The following TENM3 variants were observed in gnomAD, a reference collection of about 807,000 sequenced individuals.
TENM3 encodes the protein teneurin transmembrane protein 3.
In TENM3, 63 loss-of-function variants were observed where a neutral mutation model predicts 255.1. The ratio of observed to expected loss-of-function variants is 0.25; its 90% CI spans 0.20 to 0.30. The LOEUF (loss-of-function observed/expected upper bound fraction) is 0.30, where lower values mean the gene tolerates loss of function less well. Among genes scored for constraint, TENM3 ranks in the 10% least tolerant of loss-of-function variants. The pLI is 1.00. For synonymous variants in TENM3, 1,306 were observed against 1,322.3 expected, an observed-to-expected ratio of 0.99 and a Z score of 0.27; for missense variants, 2,929 against 3,461.1, an observed-to-expected ratio of 0.85 and a Z score of 3.86.
At chr4:181,482,242 A>G in the TENM3 span, among the ~76,000 whole-genome samples, 9,276 of 152,258 alleles carry the variant, frequency 0.061, 378 homozygotes, top group Middle Eastern at 0.11. Context: ...CTTGAAAAAG[A>G]AATGACAACT....
At chr4:182,247,959 A>G (rs1757761485) in intron 1 of TENM3, among the ~76,000 whole-genome samples, 2 of 152,176 alleles carry the variant, frequency 1.3e-5, no homozygotes, top group Non-Finnish European at 2.9e-5. Flanking sequence ...CAATAGTGCC[A>G]TTGCTGTTTG....
the TENM3 span, among the ~76,000 whole-genome samples, chr4:181,694,277 G>C: frequency 6.6e-6 from 1 of 152,168 alleles, no homozygotes; most frequent in Non-Finnish European, 1.5e-5. Context: ...GCTGGCTCAA[G>C]CTATCACTAC....
At chr4:182,424,627 G>A (rs1648964450) in intron 3 of TENM3, among the ~76,000 whole-genome samples, 1 of 152,010 alleles carries the variant, frequency 6.6e-6, no homozygotes, top group South Asian at 2.1e-4. Context: ...ATAATGCATG[G>A]ACAAAATCAT....
At chr4:182,288,289 C>T (rs575566558) in intron 1 of TENM3, among the ~76,000 whole-genome samples, 1 of 152,186 alleles carries the variant, frequency 6.6e-6, no homozygotes, top group Admixed American at 6.5e-5. Flanking sequence ...ACATTGGTCT[C>T]CAACTCCTGG....
chr4:181,914,067 C>A, the TENM3 span, among the ~76,000 whole-genome samples: 2,835 of 152,256 alleles, frequency 0.019, 41 homozygotes, highest in Non-Finnish European at 0.028. Context: ...CTTTCTTCAA[C>A]CATCCTTCTT....
intron 1 of TENM3, among the ~76,000 whole-genome samples, chr4:182,290,087 A>G (rs1370294917): frequency 1.3e-5 from 2 of 152,100 alleles, no homozygotes; most frequent in African/African-American, 4.8e-5. Flanking sequence ...ATCACTCTGT[A>G]TGTTAGCTGA....
chr4:182,358,931 G>A (rs1249528568), intron 3 of TENM3, among the ~76,000 whole-genome samples: 1 of 151,868 alleles, frequency 6.6e-6, no homozygotes, highest in Admixed American at 6.6e-5. Flanking sequence ...AGCGTGAAGG[G>A]TTGTTGAATT....
the TENM3 span, among the ~76,000 whole-genome samples, chr4:181,690,265 G>A: frequency 7.6e-6 from 1 of 132,166 alleles, no homozygotes; most frequent in Non-Finnish European, 1.7e-5. Flanking sequence ...CACACACCAG[G>A]ATTATTTGGC....
At chr4:181,478,152 T>C in the TENM3 span, among the ~76,000 whole-genome samples, 4 of 152,234 alleles carry the variant, frequency 2.6e-5, no homozygotes, top group Admixed American at 2.0e-4. Flanking sequence ...TTGTACTTTA[T>C]GTGTAGACAT....
the TENM3 span, among the ~76,000 whole-genome samples, chr4:181,950,526 T>A: frequency 1.3e-5 from 2 of 152,210 alleles, no homozygotes; most frequent in Admixed American, 1.3e-4. Flanking sequence ...TGCAATTATC[T>A]GTCCCAGTTG....
chr4:181,775,999 A>G, the TENM3 span, among the ~76,000 whole-genome samples: 1 of 152,104 alleles, frequency 6.6e-6, no homozygotes, highest in Admixed American at 6.6e-5. Flanking sequence ...TTACTCTGCT[A>G]TTGAACATTA....
intron 3 of TENM3, among the ~76,000 whole-genome samples, chr4:182,425,386 C>G (rs1771127921): frequency 6.6e-6 from 1 of 152,172 alleles, no homozygotes; most frequent in Admixed American, 6.5e-5. Context: ...TCATATTAAC[C>G]TCCTCTGTAA....
At chr4:181,542,529 G>A in the TENM3 span, among the ~76,000 whole-genome samples, 1,248 of 152,280 alleles carry the variant, frequency 8.2e-3, 14 homozygotes, top group Non-Finnish European at 9.7e-3. Flanking sequence ...AAAGAGATAT[G>A]GGTAGCTTAG....
At chr4:182,323,271 G>T (rs1055862729) in intron 1 of TENM3, among the ~76,000 whole-genome samples, 4 of 152,028 alleles carry the variant, frequency 2.6e-5, no homozygotes, top group Admixed American at 1.3e-4. Context: ...CACGATTTGC[G>T]CTGATTAAAT....
At chr4:182,309,963 C>T (rs779230243) in intron 1 of TENM3, among the ~76,000 whole-genome samples, 14 of 152,104 alleles carry the variant, frequency 9.2e-5, no homozygotes, top group East Asian at 1.9e-4. Flanking sequence ...ATAATATCTC[C>T]GCTAGAAAGG....
intron 3 of TENM3, among the ~76,000 whole-genome samples, chr4:182,440,114 C>CCT: frequency 7.9e-6 from 1 of 126,754 alleles, no homozygotes; most frequent in Admixed American, 8.8e-5. Flanking sequence ...TGGTGGGCAC[C>CCT]TTTTTTTTTT....
the TENM3 span, among the ~76,000 whole-genome samples, chr4:181,452,482 T>C: frequency 6.6e-6 from 1 of 152,072 alleles, no homozygotes; most frequent in Non-Finnish European, 1.5e-5. Flanking sequence ...GGAGATCTGA[T>C]GGTTGTGTAA....
the TENM3 span, among the ~76,000 whole-genome samples, chr4:181,957,478 A>G: frequency 6.6e-6 from 1 of 152,232 alleles, no homozygotes; most frequent in Non-Finnish European, 1.5e-5. Context: ...TGAATTTTAT[A>G]AACCAAAACC....
At chr4:182,560,702 A>AT (rs1743075808) in intron 3 of TENM3, among the ~76,000 whole-genome samples, 1 of 152,218 alleles carries the variant, frequency 6.6e-6, no homozygotes, top group African/African-American at 2.4e-5. Context: ...CCCATGGGAT[A>AT]GCACCACGTC....
Sources: allele counts gnomAD v4.1 joint callset (sites outside exome capture counted in the v4.1 genomes callset), GRCh38; gene constraint gnomAD v4.1.1; transcripts MANE v1.5; gene names NCBI Gene and HGNC (gene_info 2026-07-23, HGNC 2026-07-21).